Variants in CASZ1 observed in about 807,000 individuals in gnomAD.
CASZ1 encodes the protein castor zinc finger 1.
In CASZ1, 28 loss-of-function variants were observed where a neutral mutation model predicts 135.2. The ratio of observed to expected loss-of-function variants is 0.21; its 90% CI spans 0.15 to 0.28. The LOEUF is 0.28. CASZ1 is among the 10% of genes least tolerant of loss of function. CASZ1 has a pLI of 1.00. For missense variants in CASZ1, 2,161 were observed against 2,453.3 expected, an observed-to-expected ratio of 0.88 and a Z score of 2.52; for synonymous variants, 1,068 against 1,073.4, an observed-to-expected ratio of 0.99 and a Z score of 0.10.
chr1:10,721,374 C>T lies in CASZ1; in HGVS notation c.-76-15830G>A, dbSNP rs949618654. ...TTTAATGAAAGATGCTTGACGTCTC[C>T]GATCCAATTAATATGCAAATGCAGG... On this transcript the variant is annotated intron_variant, in intron 2 of 20. Transcript: ENST00000377022. The surrounding 1 kb of genome is among the most constrained non-coding windows in gnomAD (Gnocchi z 5.4). Among the ~76,000 whole-genome samples the T allele has an allele frequency of 5.9e-5, 9 of 152,088 alleles. No homozygotes were observed. The highest frequency in any genetic ancestry group is 1.9e-4 in the East Asian group (1 of 5,190).
At chr1:10,780,113 C>T (rs554741445) in intron 1 of CASZ1, among the ~76,000 whole-genome samples, 2 of 152,348 alleles carry the variant, frequency 1.3e-5, no homozygotes, top group South Asian at 4.1e-4. Flanking sequence ...GCACTTCCTC[C>T]TTATAAAGCG....
chr1:10,670,080 C>T (rs1371567575), intron 4 of CASZ1, among the ~76,000 whole-genome samples: 1 of 152,162 alleles, frequency 6.6e-6, no homozygotes, highest in Non-Finnish European at 1.5e-5. Flanking sequence ...GGAACCAGAC[C>T]CCTGGGTTGG....
intron 3 of CASZ1, among the ~76,000 whole-genome samples, chr1:10,702,492 C>A (rs1393381929): frequency 6.6e-6 from 1 of 152,192 alleles, no homozygotes; most frequent in Non-Finnish European, 1.5e-5. Flanking sequence ...AACTCACCCA[C>A]AAAATCCAAG....
intron 4 of CASZ1, among the ~76,000 whole-genome samples, chr1:10,671,237 G>A (rs1279631486): frequency 6.6e-6 from 1 of 151,864 alleles, no homozygotes; most frequent in African/African-American, 2.4e-5. Context: ...AGCCAAACAG[G>A]AAGGGGAGAA....
chr1:10,672,222 C>T lies in CASZ1; in HGVS notation c.17-6651G>A, dbSNP rs551121760. 4.1e-5 allele frequency among the ~76,000 whole-genome samples: 6 copies of T among 146,378 alleles called. No individual in the cohort carries two copies. In the East Asian group the frequency reaches 1.0e-3, roughly 25 times the overall value. ...ACCTTCTCCCCCCTCCCCCCGCCACCCCCTCCCCTCCGCACTATAAAAACA... is the reference window on the plus strand; with the variant it reads ...ACCTTCTCCCCCCTCCCCCCGCCACTCCCTCCCCTCCGCACTATAAAAACA... On this transcript the variant is annotated intron_variant, in intron 4 of 20. Transcript: ENST00000377022.
Position 10,788,403 on chromosome 1 carries a change from G to T in CASZ1, c.-234+8161C>A, listed in dbSNP as rs577228978. Among the ~76,000 whole-genome samples the T allele has an allele frequency of 2.7e-4, 41 of 152,234 alleles. No individual in the cohort carries two copies. The highest frequency in any genetic ancestry group is 8.9e-4 in the African/African-American group (37 of 41,542). On this transcript the variant is annotated intron_variant, in intron 1 of 20. Coordinates refer to ENST00000377022, the MANE Select transcript of CASZ1 (RefSeq NM_001079843.3). The surrounding 1 kb of genome is among the most constrained non-coding windows in gnomAD (Gnocchi z 4.1). ...TCCTGCCCCCCTGCCTCATCCTGGA[G>T]AATTGGAAAGAAGCCCACCAGAGCA...
chr1:10,656,992 C>T (rs1235752596), intron 7 of CASZ1, among the ~76,000 whole-genome samples: 2 of 152,132 alleles, frequency 1.3e-5, no homozygotes, highest in African/African-American at 4.8e-5. Flanking sequence ...AGATGGGGCC[C>T]GAGCCCTGGG....
chr1:10,743,144 G>A (rs764324505), intron 2 of CASZ1, among the ~76,000 whole-genome samples: 28 of 152,074 alleles, frequency 1.8e-4, no homozygotes, highest in Non-Finnish European at 3.7e-4. Flanking sequence ...GCTCAGGCAG[G>A]GCACTAGAGC....
In CASZ1 at chr1:10,694,026, C is replaced by T; in HGVS notation, c.-23-114G>A. ...CCCCGCCCCGCAGGAGCGGCCCGTC[C>T]CGGGCGGGCGCCGAGGCCGCGGCGG... On this transcript the variant is annotated intron_variant, in intron 3 of 20. Transcript: ENST00000377022. This position sits in a 1 kb window ranked among gnomAD's most constrained non-coding sequence, Gnocchi z 6.6. 1 of 990,840 alleles carries T rather than the reference C, an allele frequency of 1.0e-6. No individual in the cohort carries two copies. The highest frequency in any genetic ancestry group is 1.6e-5 in the South Asian group (1 of 63,364). The allele number at this position is 990,840 out of a possible 1,614,324, so 61.4% of individuals were successfully genotyped here.
Position 10,636,737 on chromosome 1 carries a change from G to T in CASZ1, c.*2205C>A, listed in dbSNP as rs916579902. On this transcript the variant is annotated 3_prime_UTR_variant, in exon 21 of 21. Coordinates refer to ENST00000377022, the MANE Select transcript of CASZ1 (RefSeq NM_001079843.3). ...CTAAATTCAAGTGGAAAAATATTCAGTTCTTAATAACCAGGTGCCGAGGAG... is the reference window on the plus strand; with the variant it reads ...CTAAATTCAAGTGGAAAAATATTCATTTCTTAATAACCAGGTGCCGAGGAG... The T allele has an allele frequency of 2.0e-5, 3 of 151,666 alleles. No individual in the cohort carries two copies. Among genetic ancestry groups the T allele is most frequent in the Admixed American group, 1.3e-4 (2 of 15,214 alleles). The allele number at this position is 151,666 out of a possible 1,614,324, so 9.4% of individuals were successfully genotyped here. A position where few individuals can be genotyped will look rare whatever the true frequency, so the allele number is the denominator to read the frequency against.
chr1:10,738,021 C>T (rs766154286), intron 2 of CASZ1, among the ~76,000 whole-genome samples: 10 of 151,790 alleles, frequency 6.6e-5, no homozygotes, highest in South Asian at 6.2e-4. Flanking sequence ...GTCCAAGTGC[C>T]GGTGGGGCAG....
At chr1:10,728,246 G>A (rs1639632958) in intron 2 of CASZ1, among the ~76,000 whole-genome samples, 1 of 152,192 alleles carries the variant, frequency 6.6e-6, no homozygotes, top group Non-Finnish European at 1.5e-5. Context: ...CATCAACTGG[G>A]CACCTCTGGG....
chr1:10,764,951 AG>A (rs1421476548), intron 1 of CASZ1, among the ~76,000 whole-genome samples: 1 of 152,208 alleles, frequency 6.6e-6, no homozygotes, highest in African/African-American at 2.4e-5. Context: ...GATGGGGACA[AG>A]GAAGCCACCT....
chr1:10,757,685 G>A lies in CASZ1; in HGVS notation c.-77+3016C>T, dbSNP rs1202528526. Among the ~76,000 whole-genome samples the A allele has an allele frequency of 1.3e-5, 2 of 152,208 alleles. No homozygotes were observed. Among genetic ancestry groups the A allele is most frequent in the East Asian group, 3.8e-4 (2 of 5,204 alleles). On this transcript the variant is annotated intron_variant, in intron 2 of 20. Coordinates refer to ENST00000377022, the MANE Select transcript of CASZ1 (RefSeq NM_001079843.3). This position sits in a 1 kb window ranked among gnomAD's most constrained non-coding sequence, Gnocchi z 4.6. ...TGCCTATAATCCCAGCCACTCGAGA[G>A]GCTGAGGCAGGAGAATCACCTGAAC...
chr1:10,700,018 G>A lies in CASZ1; in HGVS notation c.-24+5474C>T, dbSNP rs166914. ...AGAGAGAGAGAGAGAAACAGAGACAGAGAAAGAGAGAGAGAGACAGAGAGA... is the reference window on the plus strand; with the variant it reads ...AGAGAGAGAGAGAGAAACAGAGACAAAGAAAGAGAGAGAGAGACAGAGAGA... On this transcript the variant is annotated intron_variant, in intron 3 of 20. Coordinates refer to ENST00000377022, the MANE Select transcript of CASZ1 (RefSeq NM_001079843.3). The surrounding 1 kb of genome is among the most constrained non-coding windows in gnomAD (Gnocchi z 4.2). Among the ~76,000 whole-genome samples the A allele has an allele frequency of 1.3e-5, 2 of 151,554 alleles. No individual in the cohort carries two copies. Among genetic ancestry groups the A allele is most frequent in the Non-Finnish European group, 1.5e-5 (1 of 67,942 alleles).
intron 2 of CASZ1, among the ~76,000 whole-genome samples, chr1:10,750,463 A>T (rs1240452037): frequency 1.6e-4 from 24 of 149,902 alleles, no homozygotes; most frequent in Non-Finnish European, 7.4e-5. Context: ...TTATTTTTTA[A>T]TTTTTTTTTT....
In CASZ1 at chr1:10,794,803, A is replaced by G. The variant is rs1248471608; in HGVS notation, c.-234+1761T>C. ...TCCCTCCAGCCGTGATTGACGGCGC[A>G]TACACCTGTTCCCTTCGCGGAGGAG... On this transcript the variant is annotated intron_variant, in intron 1 of 20. Coordinates refer to ENST00000377022, the MANE Select transcript of CASZ1 (RefSeq NM_001079843.3). The surrounding 1 kb of genome is among the most constrained non-coding windows in gnomAD (Gnocchi z 5.6). Among the ~76,000 whole-genome samples the G allele has an allele frequency of 6.6e-6, 1 of 152,112 alleles. No homozygotes were observed. The highest frequency in any genetic ancestry group is 2.4e-5 in the African/African-American group (1 of 41,448).
At chr1:10,731,457 C>A (rs115759513) in intron 2 of CASZ1, among the ~76,000 whole-genome samples, 404 of 150,904 alleles carry the variant, frequency 2.7e-3, no homozygotes, top group African/African-American at 9.2e-3. Context: ...TTGTGGCATG[C>A]GCCTGTGCTC....
At position 10,735,417 on chromosome 1, in the gene CASZ1, G is replaced by A. The variant is rs78299846; in HGVS notation, c.-77+25284C>T. ...GGCCCGGGAGCTCTGGGAGGGGACG[G>A]GGGACTGGCGGAGTCAGGCGCCAGG... On this transcript the variant is annotated intron_variant, in intron 2 of 20. Coordinates refer to ENST00000377022, the MANE Select transcript of CASZ1 (RefSeq NM_001079843.3). This position sits in a 1 kb window ranked among gnomAD's most constrained non-coding sequence, Gnocchi z 5.1. Among the ~76,000 whole-genome samples the A allele has an allele frequency of 3.8e-3, 585 of 152,284 alleles. 21 individuals carry two copies. The East Asian group carries it at 0.096, about 25-fold the overall frequency.
Sources: allele counts gnomAD v4.1 joint callset (sites outside exome capture counted in the v4.1 genomes callset), GRCh38; gene constraint gnomAD v4.1.1; non-coding constraint Gnocchi (gnomAD v3.1); transcripts MANE v1.5; gene names NCBI Gene and HGNC (gene_info 2026-07-23, HGNC 2026-07-21).